CCDC12: variants seen among roughly 807,000 people sequenced by gnomAD.
CCDC12 encodes the protein coiled-coil domain containing 12, also known as coiled-coil domain-containing protein 12.
Under a neutral mutation model 25.7 loss-of-function variants are expected in CCDC12, and 28 were observed. The observed-to-expected ratio is 1.09, with a 90% CI of 0.81 to 1.50. The LOEUF is 1.50. CCDC12 is among the 40% of genes most tolerant of loss of function. The pLI is 0.00. For missense variants in CCDC12, 198 were observed against 210.0 expected (o/e 0.94, Z 0.35); for synonymous variants, 75 against 87.7 (o/e 0.86, Z 0.81).
intron 1 of CCDC12, among the ~76,000 whole-genome samples, chr3:46,945,688 T>C (rs1430368660): frequency 5.9e-5 from 9 of 152,270 alleles, no homozygotes; most frequent in Non-Finnish European, 1.3e-4. Context: ...ATATTTGTTA[T>C]AGGACTGTAT....
At chr3:46,973,876 T>C (rs1483389165) in intron 1 of CCDC12, among the ~76,000 whole-genome samples, 3 of 152,144 alleles carry the variant, frequency 2.0e-5, no homozygotes, top group Non-Finnish European at 4.4e-5. Context: ...CTTCCCAAAG[T>C]GCTGGGATTA....
chr3:46,954,001 C>G (rs1440912370), intron 1 of CCDC12, among the ~76,000 whole-genome samples: 1 of 152,178 alleles, frequency 6.6e-6, no homozygotes, highest in East Asian at 1.9e-4. Flanking sequence ...CAGCAGTGAG[C>G]AAATCACAAA....
intron 2 of CCDC12, among the ~76,000 whole-genome samples, chr3:46,936,743 A>C (rs1320411376): frequency 6.6e-6 from 1 of 152,224 alleles, no homozygotes; most frequent in Non-Finnish European, 1.5e-5. Context: ...AATTTAAAGC[A>C]TGATGAACTA....
intron 3 of CCDC12, chr3:46,924,999 G>T (rs1345934801): frequency 1.5e-5 from 5 of 339,802 alleles, no homozygotes; most frequent in African/African-American, 6.5e-5. Flanking sequence ...GCAAGCCCTG[G>T]GCCAGGCCCT....
chr3:46,969,270 T>C (rs1343909138), intron 1 of CCDC12, among the ~76,000 whole-genome samples: 1 of 152,154 alleles, frequency 6.6e-6, no homozygotes, highest in Non-Finnish European at 1.5e-5. Context: ...AGTGCATGCC[T>C]TCTACCTTGG....
chr3:46,969,889 G>A (rs1414834692), intron 1 of CCDC12, among the ~76,000 whole-genome samples: 1 of 144,850 alleles, frequency 6.9e-6, no homozygotes, highest in Non-Finnish European at 1.5e-5. Context: ...AAATGTCGCA[G>A]TAGCCATATT....
At chr3:46,979,921 G>T (rs1250708345), upstream of CCDC12, 2 of 385,976 alleles carry the variant, frequency 5.2e-6, no homozygotes, top group South Asian at 7.8e-5. Context: ...AGGTGAGCCC[G>T]CCCCGCCCCG....
At chr3:46,975,380 T>C (rs1339528874) in intron 1 of CCDC12, among the ~76,000 whole-genome samples, 1 of 152,058 alleles carries the variant, frequency 6.6e-6, no homozygotes, top group Non-Finnish European at 1.5e-5. Flanking sequence ...AAATGGGGTT[T>C]CACCATGTTG....
chr3:46,976,436 C>A (rs1004732526), intron 1 of CCDC12: 18 of 1,418,598 alleles, frequency 1.3e-5, no homozygotes, highest in Middle Eastern at 2.6e-4. Flanking sequence ...TGCGCGACGA[C>A]CGCACCAGCG....
chr3:46,975,794 G>A (rs1198882073), intron 1 of CCDC12, among the ~76,000 whole-genome samples: 2 of 147,256 alleles, frequency 1.4e-5, no homozygotes, highest in Admixed American at 6.9e-5. Context: ...GCCTCCCAAA[G>A]TACTGGGCGC....
intron 1 of CCDC12, among the ~76,000 whole-genome samples, chr3:46,953,339 G>T (rs1398210169): frequency 6.6e-6 from 1 of 151,964 alleles, no homozygotes; most frequent in Admixed American, 6.6e-5. Context: ...AACGCCAGGG[G>T]TAAGAGTCCT....
rs1328099662 is a variant in CCDC12 at position 46,951,827 on chromosome 3, A to ATAT, written c.97-10763_97-10762insATA. ...TATATATATATATATATATATACTT[A>ATAT]ATGAGGATCAAATTAACAATGATCT... is the stretch of plus-strand genomic sequence containing the variant. On this transcript the variant is annotated intron_variant, in intron 1 of 6. Coordinates refer to ENST00000683445, the MANE Select transcript of CCDC12 (RefSeq NM_001277074.2). Among the ~76,000 whole-genome samples the ATAT allele has an allele frequency of 7.6e-5, 8 of 105,774 alleles. 2 individuals are homozygous for ATAT. The highest frequency in any genetic ancestry group is 2.2e-4 in the Admixed American group (2 of 9,056). The allele number at this position is 105,774 out of a possible 152,430, so 69.4% of individuals were successfully genotyped here.
intron 1 of CCDC12, chr3:46,976,411 G>A (rs532472412): frequency 1.4e-6 from 2 of 1,417,342 alleles, no homozygotes; most frequent in South Asian, 1.5e-5. Flanking sequence ...CCACTGCCTT[G>A]CCCACCCCCG....
At chr3:46,962,995 T>C (rs1337376417) in intron 1 of CCDC12, among the ~76,000 whole-genome samples, 1 of 152,204 alleles carries the variant, frequency 6.6e-6, no homozygotes, top group Non-Finnish European at 1.5e-5. Context: ...AACAATGGAA[T>C]ACTATACAGA....
At chr3:46,930,592 C>T (rs968358811) in intron 2 of CCDC12, among the ~76,000 whole-genome samples, 2 of 152,236 alleles carry the variant, frequency 1.3e-5, no homozygotes, top group Non-Finnish European at 2.9e-5. Context: ...TGTCTCTCCA[C>T]AGGAGCAGAC....
chr3:46,925,708 G>C (rs904178209), intron 2 of CCDC12, among the ~76,000 whole-genome samples, 173 bp from the exon 3 acceptor site: 20 of 152,232 alleles, frequency 1.3e-4, no homozygotes, highest in African/African-American at 4.3e-4. Context: ...AGGCCCCTTG[G>C]CACCGTCCCC....
intron 1 of CCDC12, among the ~76,000 whole-genome samples, chr3:46,950,025 C>CAA (rs11298672): frequency 8.3e-5 from 9 of 108,518 alleles, no homozygotes; most frequent in African/African-American, 1.2e-4. Context: ...GACTCCATCT[C>CAA]AAAAAAAAAA....
At chr3:46,929,138 T>C (rs775432631) in intron 2 of CCDC12, among the ~76,000 whole-genome samples, 2 of 152,162 alleles carry the variant, frequency 1.3e-5, no homozygotes, top group Non-Finnish European at 2.9e-5. Context: ...CTAAGCACTG[T>C]AGAGGAAATG....
At chr3:46,947,914 T>C (rs1294891907) in intron 1 of CCDC12, among the ~76,000 whole-genome samples, 1 of 152,120 alleles carries the variant, frequency 6.6e-6, no homozygotes, top group African/African-American at 2.4e-5. Flanking sequence ...TGACATCATA[T>C]CACCATTACA....
Sources: allele counts gnomAD v4.1 joint callset (sites outside exome capture counted in the v4.1 genomes callset), GRCh38; gene constraint gnomAD v4.1.1; transcripts MANE v1.5; gene names NCBI Gene and HGNC (gene_info 2026-07-23, HGNC 2026-07-21).